Variants in ERCC6L2 observed in about 807,000 individuals in gnomAD.
ERCC6L2 encodes the protein ERCC excision repair 6 like 2.
Under a neutral mutation model 132.0 loss-of-function variants are expected in ERCC6L2, and 77 were observed. The ratio of observed to expected loss-of-function variants is 0.58; its 90% CI spans 0.49 to 0.71. The LOEUF (loss-of-function observed/expected upper bound fraction) is 0.71. Among genes scored for constraint, ERCC6L2 ranks in the 30% least tolerant of loss-of-function variants. ERCC6L2 has a pLI of 0.00. For synonymous variants in ERCC6L2, 583 were observed against 632.4 expected, an observed-to-expected ratio of 0.92 and a Z score of 1.17; for missense variants, 1,542 against 1,837.6, an observed-to-expected ratio of 0.84 and a Z score of 2.94.
In ERCC6L2 at chr9:96,016,655, C is replaced by G. The variant is rs1834190104; in HGVS notation, c.*3452C>G. On this transcript the variant is annotated 3_prime_UTR_variant, in exon 19 of 19. Transcript: ENST00000653738. ...CATCCTTCCACAGAAAATGAGAAAGCCACAGGAAATACACGGTTATTTTCT... is the reference window on the plus strand; with the variant it reads ...CATCCTTCCACAGAAAATGAGAAAGGCACAGGAAATACACGGTTATTTTCT... 6.6e-6 allele frequency among the ~76,000 whole-genome samples: 1 copy of G among 152,190 alleles called. No individual in the cohort carries two copies. Among genetic ancestry groups the G allele is most frequent in the African/African-American group, 2.4e-5 (1 of 41,458 alleles).
intron 18 of ERCC6L2, among the ~76,000 whole-genome samples, chr9:96,011,493 C>T (rs1186896387): frequency 6.6e-6 from 1 of 152,190 alleles, no homozygotes; most frequent in African/African-American, 2.4e-5. Context: ...GGGAAAGGAG[C>T]AGGGCTCATT....
intron 17 of ERCC6L2, among the ~76,000 whole-genome samples, chr9:95,994,303 CT>C (rs1186372739): frequency 6.6e-6 from 1 of 152,074 alleles, no homozygotes; most frequent in Non-Finnish European, 1.5e-5. Context: ...AGAATCAGAA[CT>C]TTTAATTAAG....
At chr9:95,927,659 A>AAC (rs1217725304) in intron 9 of ERCC6L2, among the ~76,000 whole-genome samples, 7 of 152,182 alleles carry the variant, frequency 4.6e-5, no homozygotes, top group Non-Finnish European at 1.0e-4. Context: ...GATGTAATTG[A>AAC]ACACATTTCA....
intron 2 of ERCC6L2, among the ~76,000 whole-genome samples, chr9:95,892,218 A>C (rs1828207968): frequency 6.6e-6 from 1 of 152,020 alleles, no homozygotes; most frequent in Non-Finnish European, 1.5e-5. Flanking sequence ...GTCCCCATTC[A>C]TTAATTAATA....
intron 17 of ERCC6L2, among the ~76,000 whole-genome samples, chr9:95,996,453 A>T (rs971289034): frequency 2.2e-4 from 34 of 152,368 alleles, no homozygotes; most frequent in African/African-American, 8.2e-4. Flanking sequence ...GGCTACACTA[A>T]ACAATAGATT....
Position 95,921,220 on chromosome 9 carries a change from A to G in ERCC6L2, c.1204A>G (p.Thr402Ala), listed in dbSNP as rs751512066. ...LTDFQKAVYQ[T>A]VLETEDVTLI... is the part of the protein sequence containing the mutation. ...AGATTTCCAGAAAGCTGTCTATCAA[A>G]CAGTGTTAGAAACAGAGGACGTGAC... Residue 402 changes from threonine to alanine, a missense_variant, in exon 7 of 19, where the codon ACA (threonine) becomes GCA (alanine). This residue lies in a region of ERCC6L2 where 945 missense variants were observed against 1,105.2 expected (regional missense o/e 0.86). Coordinates refer to ENST00000653738, the MANE Select transcript of ERCC6L2 (RefSeq NM_020207.7). 1.2e-6 allele frequency: 2 copies of G among 1,613,516 alleles called. No individual in the cohort carries two copies. Among genetic ancestry groups the G allele is most frequent in the Non-Finnish European group, 1.7e-6 (2 of 1,179,602 alleles).
chr9:95,939,481 T>G (rs1692334472), intron 11 of ERCC6L2, among the ~76,000 whole-genome samples: 1 of 152,208 alleles, frequency 6.6e-6, no homozygotes. Flanking sequence ...CACTTTCTTC[T>G]GATATCCATG....
At chr9:96,003,137 G>C (rs747299082) in intron 17 of ERCC6L2, among the ~76,000 whole-genome samples, 6 of 152,042 alleles carry the variant, frequency 3.9e-5, no homozygotes, top group Non-Finnish European at 5.9e-5. Flanking sequence ...TTTTCAGATT[G>C]CTTTATTATA....
intron 11 of ERCC6L2, among the ~76,000 whole-genome samples, chr9:95,931,507 C>T (rs1180375478): frequency 6.6e-6 from 1 of 152,200 alleles, no homozygotes; most frequent in East Asian, 1.9e-4. Context: ...ACTTTTTAAG[C>T]CAGAATATAT....
In ERCC6L2 at chr9:95,937,056, C is replaced by T. The variant is rs988248516; in HGVS notation, c.1752-4398C>T. On this transcript the variant is annotated intron_variant, in intron 11 of 18. Coordinates refer to ENST00000653738, the MANE Select transcript of ERCC6L2 (RefSeq NM_020207.7). ...GGGCATCTGGGTTGTTTCCAGTTTT[C>T]GGCTGTGACAGATAAAGCTATTAAC... 4.6e-5 allele frequency among the ~76,000 whole-genome samples: 7 copies of T among 152,234 alleles called. No individual in the cohort carries two copies. The East Asian group carries it at 1.2e-3, about 25-fold the overall frequency.
chr9:95,958,412 G>A (rs1188764871), intron 13 of ERCC6L2, among the ~76,000 whole-genome samples: 5 of 152,036 alleles, frequency 3.3e-5, no homozygotes, highest in Admixed American at 6.6e-5. Flanking sequence ...CTAGTTCTAG[G>A]TCCCTGAGGA....
intron 4 of ERCC6L2, among the ~76,000 whole-genome samples, chr9:95,915,442 A>G (rs1829535964): frequency 1.3e-5 from 2 of 152,110 alleles, no homozygotes; most frequent in Non-Finnish European, 2.9e-5. Flanking sequence ...TCTTTTTACC[A>G]TCATTAAAGA....
chr9:95,887,810 A>C (rs918125687), intron 2 of ERCC6L2, among the ~76,000 whole-genome samples: 1 of 152,162 alleles, frequency 6.6e-6, no homozygotes, highest in African/African-American at 2.4e-5. Context: ...ATCTCAAGTC[A>C]TGTTATTCAC....
At chr9:95,978,316 A>T in intron 17 of ERCC6L2, 101 bp downstream of exon 17, 1 of 664,046 alleles carries the variant, frequency 1.5e-6, no homozygotes, top group Non-Finnish European at 2.1e-6. Context: ...GTAGCAACAA[A>T]AACTGTAAGT....
chr9:95,883,938 C>G (rs1255365749), intron 2 of ERCC6L2, among the ~76,000 whole-genome samples: 2 of 152,228 alleles, frequency 1.3e-5, no homozygotes, highest in Admixed American at 6.5e-5. Flanking sequence ...AGCTTAAATA[C>G]AATTCGAATT....
chr9:95,928,111 A>G lies in ERCC6L2; in HGVS notation c.1566A>G (p.Lys522=). 6.2e-7 allele frequency: 1 copy of G among 1,613,094 alleles called. No individual in the cohort carries two copies. Among genetic ancestry groups the G allele is most frequent in the African/African-American group, 1.3e-5 (1 of 75,002 alleles). ...AGCAGCTTTTAAATCATTGCAGGAA[A>G]AACAGAGATAAAGTTCTTCTCTTTT... The part of the protein sequence containing the change: ...VLQQLLNHCR[K]NRDKVLLFSF... Residue 522 remains lysine, a synonymous_variant, in exon 10 of 19, where the codon AAA becomes AAG. Transcript: ENST00000653738.
chr9:95,949,257 G>T (rs1490878973), intron 12 of ERCC6L2, among the ~76,000 whole-genome samples: 1 of 152,062 alleles, frequency 6.6e-6, no homozygotes, highest in African/African-American at 2.4e-5. Flanking sequence ...CGTTATGGAG[G>T]CCCAGAAGAA....
rs117452351 is a variant in ERCC6L2, at chr9:95,988,212, G to A, written c.3492+9997G>A. Among the ~76,000 whole-genome samples the A allele has an allele frequency of 5.9e-3, 902 of 152,316 alleles. 7 individuals carry two copies. The highest frequency in any genetic ancestry group is 0.023 in the Admixed American group (353 of 15,308). On this transcript the variant is annotated intron_variant, in intron 17 of 18. Coordinates refer to ENST00000653738, the MANE Select transcript of ERCC6L2 (RefSeq NM_020207.7). Reference sequence around the variant, plus strand: ...AAAATGTGAATAATTATTCTAATTTGTTGGTATGAGCATAACTCTTTTGTG... The same window carrying A: ...AAAATGTGAATAATTATTCTAATTTATTGGTATGAGCATAACTCTTTTGTG...
intron 17 of ERCC6L2, among the ~76,000 whole-genome samples, chr9:96,004,210 A>C (rs955833106): frequency 6.6e-6 from 1 of 152,246 alleles, no homozygotes; most frequent in Non-Finnish European, 1.5e-5. Flanking sequence ...CATAGTGTAT[A>C]TAATCATTAA....
Sources: gnomAD v4.1 joint callset for allele counts (sites outside exome capture counted in the v4.1 genomes callset) on GRCh38, gnomAD v4.1.1 for gene constraint, gnomAD v4.1.1 regional missense constraint, MANE v1.5 for transcripts, NCBI Gene and HGNC (gene_info 2026-07-23, HGNC 2026-07-21) for gene names.